Variants in RARB observed in about 807,000 individuals in gnomAD.
RARB encodes retinoic acid receptor beta, also known as HBV-activated protein.
A neutral mutation model predicts 51.9 loss-of-function variants in RARB; 17 were observed. The ratio of observed to expected loss-of-function variants is 0.33; its 90% CI spans 0.22 to 0.49. The LOEUF (loss-of-function observed/expected upper bound fraction) is 0.49. Ranked by LOEUF, RARB falls within the 20% of genes least tolerant of loss-of-function variation. The probability of loss-of-function intolerance (pLI) is 0.99; values close to 1 mark genes in which losing one functional copy is unlikely to be tolerated. For missense variants in RARB, 369 were observed against 550.8 expected (o/e 0.67, Z 3.30); for synonymous variants, 215 against 195.4 (o/e 1.10, Z -0.84).
In RARB at chr3:25,439,909, G is replaced by A. The variant is rs577053595; in HGVS notation, c.157+11021G>A. On this transcript the variant is annotated intron_variant, in intron 1 of 7. Coordinates refer to ENST00000330688, the MANE Select transcript of RARB (RefSeq NM_000965.5). ...CTGTAAGACGCTAACATGTGATGCA[G>A]TGAAATACAGCATGGTACCCTGCAG... 3.9e-5 allele frequency among the ~76,000 whole-genome samples: 6 copies of A among 152,274 alleles called. No homozygotes were observed. In the South Asian group the frequency reaches 8.3e-4, roughly 21 times the overall value.
At chr3:25,194,224 G>A (rs2125365649) in intron 5 of RARB, among the ~76,000 whole-genome samples, 1 of 131,786 alleles carries the variant, frequency 7.6e-6, no homozygotes, top group East Asian at 2.3e-4. Flanking sequence ...ACAAAGAGTA[G>A]AATGGTGGTT....
chr3:24,938,902 T>A (rs538091884), intron 2 of RARB, among the ~76,000 whole-genome samples: 1 of 152,320 alleles, frequency 6.6e-6, no homozygotes, highest in East Asian at 1.9e-4. Context: ...AAAGTTTTAT[T>A]CCTTTTTAAG....
At chr3:25,594,474 G>T in intron 6 of RARB, 46 bp from the exon 7 acceptor site, 1 of 1,532,754 alleles carries the variant, frequency 6.5e-7, no homozygotes, top group South Asian at 1.3e-5. Context: ...GAGGGGAAAA[G>T]GGCATAAATC....
At chr3:25,291,188 C>A (rs1413260751) in intron 5 of RARB, among the ~76,000 whole-genome samples, 3 of 152,142 alleles carry the variant, frequency 2.0e-5, no homozygotes, top group African/African-American at 7.2e-5. Context: ...AAAATGTACA[C>A]AAATATACTC....
intron 5 of RARB, among the ~76,000 whole-genome samples, chr3:25,591,909 AC>A (rs1454438070): frequency 6.6e-6 from 1 of 152,064 alleles, no homozygotes; most frequent in Non-Finnish European, 1.5e-5. Context: ...GATTTAGAGA[AC>A]CCAAAAGCAT....
At chr3:25,043,564 G>GTT in intron 2 of RARB, among the ~76,000 whole-genome samples, 1 of 152,350 alleles carries the variant, frequency 6.6e-6, no homozygotes, top group East Asian at 1.9e-4. Flanking sequence ...AAGAAAGAAT[G>GTT]TTTTTCTCTA....
intron 5 of RARB, among the ~76,000 whole-genome samples, chr3:25,586,098 G>A (rs1265963561): frequency 3.3e-5 from 5 of 152,036 alleles, no homozygotes; most frequent in Admixed American, 2.0e-4. Flanking sequence ...ATATCACCTC[G>A]TGGCACTGCC....
exon 1 of RARB, among the ~76,000 whole-genome samples, chr3:24,829,346 G>C (rs901951982): frequency 1.3e-5 from 2 of 152,016 alleles, no homozygotes; most frequent in African/African-American, 4.8e-5. Flanking sequence ...CGGCGGCAGG[G>C]GCTGAGGGCA....
intron 1 of RARB, among the ~76,000 whole-genome samples, chr3:25,429,880 CTTTA>C (rs1708135623): frequency 6.6e-6 from 1 of 152,126 alleles, no homozygotes; most frequent in African/African-American, 2.4e-5. Context: ...GTTTTTAGTA[CTTTA>C]TTTGACAATT....
chr3:25,236,402 T>C (rs1347386259), intron 5 of RARB, among the ~76,000 whole-genome samples: 1 of 152,192 alleles, frequency 6.6e-6, no homozygotes, highest in Non-Finnish European at 1.5e-5. Context: ...TACATATCTG[T>C]AGCCACATAT....
chr3:25,472,071 C>A (rs1289911530), intron 2 of RARB, among the ~76,000 whole-genome samples: 2 of 152,176 alleles, frequency 1.3e-5, no homozygotes, highest in African/African-American at 2.4e-5. Flanking sequence ...ATTCCTATAG[C>A]CTTAGTGTTT....
intron 2 of RARB, among the ~76,000 whole-genome samples, chr3:25,010,942 G>A (rs919401495): frequency 1.3e-5 from 2 of 152,020 alleles, no homozygotes; most frequent in Non-Finnish European, 1.5e-5. Context: ...GACCATCGAG[G>A]CCAAGGCTTT....
chr3:25,135,455 C>G (rs182902645), intron 4 of RARB, among the ~76,000 whole-genome samples: 1 of 151,826 alleles, frequency 6.6e-6, no homozygotes, highest in East Asian at 1.9e-4. Context: ...TAGCTGAAAA[C>G]CAGAGATGAG....
chr3:25,339,772 C>T (rs760715996), intron 5 of RARB, among the ~76,000 whole-genome samples: 13 of 152,026 alleles, frequency 8.6e-5, no homozygotes, highest in African/African-American at 3.1e-4. Flanking sequence ...CATTGTACCT[C>T]CAGAGAAGGT....
chr3:25,289,140 C>T (rs566465966), intron 5 of RARB, among the ~76,000 whole-genome samples: 28 of 152,228 alleles, frequency 1.8e-4, no homozygotes. Flanking sequence ...GAGCCAACTT[C>T]AATTTCAAAT....
At chr3:24,994,830 C>G (rs1696988588) in intron 2 of RARB, among the ~76,000 whole-genome samples, 1 of 151,964 alleles carries the variant, frequency 6.6e-6, no homozygotes, top group Non-Finnish European at 1.5e-5. Flanking sequence ...CCTGGATTTT[C>G]TATTTTATTT....
intron 4 of RARB, among the ~76,000 whole-genome samples, chr3:25,149,896 AT>A (rs111231805): frequency 1.3e-5 from 2 of 151,104 alleles, no homozygotes; most frequent in South Asian, 4.2e-4. Flanking sequence ...GCAGCAGAAC[AT>A]TTTTTTTTAA....
intron 5 of RARB, among the ~76,000 whole-genome samples, chr3:25,334,332 G>A (rs1385451909): frequency 6.6e-6 from 1 of 152,134 alleles, no homozygotes; most frequent in African/African-American, 2.4e-5. Flanking sequence ...TATACACCAT[G>A]GAATACTATG....
At chr3:25,060,468 T>C (rs954728829) in intron 3 of RARB, among the ~76,000 whole-genome samples, 5 of 151,848 alleles carry the variant, frequency 3.3e-5, no homozygotes, top group African/African-American at 1.2e-4. Context: ...AGATAGTGAA[T>C]ACTTAGGCTT....
Sources: gnomAD v4.1 joint callset for allele counts (sites outside exome capture counted in the v4.1 genomes callset) on GRCh38, gnomAD v4.1.1 for gene constraint, MANE v1.5 for transcripts, NCBI Gene and HGNC (gene_info 2026-07-23, HGNC 2026-07-21) for gene names.